Variants in DNAH6 observed in about 807,000 individuals in gnomAD.
The protein encoded by DNAH6 is dynein axonemal heavy chain 6, also known as axonemal beta dynein heavy chain 6.
Under a neutral mutation model 491.4 loss-of-function variants are expected in DNAH6, and 340 were observed. That is an observed-to-expected ratio of 0.69 (90% CI 0.63 to 0.76). The LOEUF (loss-of-function observed/expected upper bound fraction) is 0.76. Among genes scored for constraint, DNAH6 ranks in the 30% least tolerant of loss-of-function variants. DNAH6 has a pLI of 0.00. For missense variants in DNAH6, 4,443 were observed against 4,972.2 expected (o/e 0.89, Z 3.20); for synonymous variants, 1,603 against 1,686.1 (o/e 0.95, Z 1.21).
At chr2:84,506,606 C>G in the DNAH6 span, among the ~76,000 whole-genome samples, 2 of 152,152 alleles carry the variant, frequency 1.3e-5, no homozygotes, top group African/African-American at 4.8e-5. Context: ...GCTTTTGTTG[C>G]CATTGCTTTT....
chr2:84,613,676 G>A (rs895775637), intron 22 of DNAH6, among the ~76,000 whole-genome samples: 7 of 152,124 alleles, frequency 4.6e-5, no homozygotes, highest in Non-Finnish European at 8.8e-5. Context: ...AGTAGGTATA[G>A]AGACTGGCTT....
chr2:84,808,347 T>C, intron 71 of DNAH6, 68 bp from the exon 72 acceptor site: 1 of 1,431,114 alleles, frequency 7.0e-7, no homozygotes, highest in Non-Finnish European at 9.2e-7. Flanking sequence ...GATAAGCACA[T>C]TGCCTTAGCA....
intron 41 of DNAH6, among the ~76,000 whole-genome samples, chr2:84,681,016 G>A (rs1693730757): frequency 6.6e-6 from 1 of 152,112 alleles, no homozygotes; most frequent in African/African-American, 2.4e-5. Context: ...ATAAAAGTGA[G>A]AGAGAGGGTT....
intron 5 of DNAH6, among the ~76,000 whole-genome samples, chr2:84,545,556 T>C (rs746398689): frequency 6.6e-6 from 1 of 152,194 alleles, no homozygotes; most frequent in Non-Finnish European, 1.5e-5. Flanking sequence ...GTTCTCTTAT[T>C]TTATGTGCTG....
intron 68 of DNAH6, among the ~76,000 whole-genome samples, chr2:84,792,805 A>G (rs528863836): frequency 6.6e-6 from 1 of 152,348 alleles, no homozygotes; most frequent in South Asian, 2.1e-4. Flanking sequence ...AAGCTATAAT[A>G]AAAGCAAAAT....
chr2:84,798,161 T>C (rs60813086), intron 70 of DNAH6, among the ~76,000 whole-genome samples: 3,806 of 152,304 alleles, frequency 0.025, 130 homozygotes, highest in African/African-American at 0.083. Flanking sequence ...TGGGTTGTTT[T>C]ACTCCTCTGT....
At chr2:84,680,632 A>G (rs1693691764) in intron 41 of DNAH6, among the ~76,000 whole-genome samples, 1 of 151,712 alleles carries the variant, frequency 6.6e-6, no homozygotes, top group Non-Finnish European at 1.5e-5. Context: ...ATGGGGAGCA[A>G]TGGAAGGGAG....
chr2:84,792,652 G>T (rs1238428033), intron 68 of DNAH6, among the ~76,000 whole-genome samples: 1 of 152,160 alleles, frequency 6.6e-6, no homozygotes, highest in Non-Finnish European at 1.5e-5. Flanking sequence ...GAGGGCAGTT[G>T]TGTCTTCAAC....
the DNAH6 span, among the ~76,000 whole-genome samples, chr2:84,511,142 C>G: frequency 6.6e-6 from 1 of 152,196 alleles, no homozygotes; most frequent in South Asian, 2.1e-4. Flanking sequence ...ATTCTGCTGC[C>G]TTTTGTTTGG....
chr2:84,590,360 T>C (rs573767040), intron 16 of DNAH6, among the ~76,000 whole-genome samples: 127 of 151,996 alleles, frequency 8.4e-4, no homozygotes, highest in African/African-American at 2.7e-3. Flanking sequence ...CTGGGCGTAG[T>C]GGCAGGCGCC....
At chr2:84,745,677 A>G (rs1573678829) in intron 63 of DNAH6, among the ~76,000 whole-genome samples, 2 of 150,782 alleles carry the variant, frequency 1.3e-5, no homozygotes, top group African/African-American at 4.9e-5. Flanking sequence ...AAAAAAAAAA[A>G]AAAAAAAGAA....
At chr2:84,614,147 C>A (rs1488980176) in intron 22 of DNAH6, among the ~76,000 whole-genome samples, 1 of 151,364 alleles carries the variant, frequency 6.6e-6, no homozygotes, top group African/African-American at 2.4e-5. Flanking sequence ...GTGTACTGTA[C>A]CCAATGCGTA....
intron 71 of DNAH6, among the ~76,000 whole-genome samples, chr2:84,807,604 G>A (rs755403820): frequency 2.0e-4 from 30 of 152,234 alleles, no homozygotes; most frequent in Non-Finnish European, 3.4e-4. Context: ...AGATTTAAAC[G>A]CTTGTATGGT....
chr2:84,655,786 CTT>C (rs1690906648), intron 35 of DNAH6, among the ~76,000 whole-genome samples: 1 of 152,124 alleles, frequency 6.6e-6, no homozygotes, highest in Admixed American at 6.6e-5. Context: ...ATTATTAACA[CTT>C]TGCATAAATG....
At chr2:84,726,017 C>G (rs1439709085) in intron 60 of DNAH6, among the ~76,000 whole-genome samples, 1 of 152,142 alleles carries the variant, frequency 6.6e-6, no homozygotes, top group Non-Finnish European at 1.5e-5. Flanking sequence ...TTCCTCTAAG[C>G]CCTTTTAACT....
intron 57 of DNAH6, among the ~76,000 whole-genome samples, chr2:84,713,524 C>A (rs1161823347): frequency 6.6e-6 from 1 of 152,254 alleles, no homozygotes; most frequent in Non-Finnish European, 1.5e-5. Context: ...TCTCGCTCCA[C>A]TGTGCACCTC....
intron 64 of DNAH6, among the ~76,000 whole-genome samples, chr2:84,773,211 C>T (rs1476565532): frequency 6.6e-6 from 1 of 151,986 alleles, no homozygotes; most frequent in East Asian, 1.9e-4. Context: ...TTTTTCAACC[C>T]TCTCTTCCTC....
At chr2:84,667,633 C>A (rs1331910845) in intron 37 of DNAH6, among the ~76,000 whole-genome samples, 4 of 152,170 alleles carry the variant, frequency 2.6e-5, no homozygotes, top group Admixed American at 6.5e-5. Context: ...CACTTTTACA[C>A]TGTTGGTGGG....
intron 63 of DNAH6, among the ~76,000 whole-genome samples, 163 bp from the exon 64 acceptor site, chr2:84,762,565 CCATAGCTGTCCACAGATATTTGGTGAA>C: frequency 1.3e-5 from 2 of 152,172 alleles, no homozygotes; most frequent in South Asian, 4.1e-4. Context: ...GTCATGAGAA[CCATAGCTGTCCACAGATATTTGGTGAA>C]CAAATCCACC....
Sources: gnomAD v4.1 joint callset for allele counts (sites outside exome capture counted in the v4.1 genomes callset) on GRCh38, gnomAD v4.1.1 for gene constraint, MANE v1.5 for transcripts, NCBI Gene and HGNC (gene_info 2026-07-23, HGNC 2026-07-21) for gene names.